The following CSMD1 variants were observed in gnomAD, a reference collection of about 807,000 sequenced individuals.
CSMD1 encodes the protein CUB and sushi domain-containing protein 1.
A neutral mutation model predicts 417.5 loss-of-function variants in CSMD1; 213 were observed. That is an observed-to-expected ratio of 0.51 (90% confidence interval 0.46 to 0.57). CSMD1 has a LOEUF of 0.57. Ranked by LOEUF, CSMD1 falls within the 20% of genes least tolerant of loss-of-function variation. The pLI is 0.00. For synonymous variants in CSMD1, 2,862 were observed against 1,736.8 expected, an observed-to-expected ratio of 1.65 and a Z score of -16.11; for missense variants, 6,923 against 4,529.7, an observed-to-expected ratio of 1.53 and a Z score of -15.17.
At chr8:4,338,954 G>T (rs752137315) in intron 3 of CSMD1, among the ~76,000 whole-genome samples, 1 of 152,170 alleles carries the variant, frequency 6.6e-6, no homozygotes, top group East Asian at 1.9e-4. Context: ...CTGAACATAG[G>T]TCTGGGCATA....
At chr8:3,996,918 T>C (rs1266167451) in intron 5 of CSMD1, among the ~76,000 whole-genome samples, 3 of 152,196 alleles carry the variant, frequency 2.0e-5, no homozygotes, top group African/African-American at 7.2e-5. Flanking sequence ...TACAATATGC[T>C]TCATGTTTGA....
chr8:4,769,565 T>A (rs954267328), intron 1 of CSMD1, among the ~76,000 whole-genome samples: 8 of 152,222 alleles, frequency 5.3e-5, no homozygotes, highest in Admixed American at 1.3e-4. Flanking sequence ...AACAGCAATT[T>A]TGCCAATGTT....
At position 4,092,693 on chromosome 8, in the gene CSMD1, C is replaced by A. The variant is rs1035809427; in HGVS notation, c.416-60594G>T. On this transcript the variant is annotated intron_variant, in intron 3 of 69. Transcript: ENST00000635120. ...TAGGTCCTTTTTCTTGAATATTTTT[C>A]CTTAATGTGATTTTTGAAATAATTT... Among the ~76,000 whole-genome samples, 8 of 152,124 alleles carry A rather than the reference C, an allele frequency of 5.3e-5. No homozygotes were observed. The East Asian group carries it at 1.5e-3, about 29-fold the overall frequency.
At chr8:4,504,997 C>G (rs1300684168) in intron 2 of CSMD1, among the ~76,000 whole-genome samples, 1 of 152,152 alleles carries the variant, frequency 6.6e-6, no homozygotes, top group Non-Finnish European at 1.5e-5. Flanking sequence ...GGTATATACC[C>G]AGTAATGGGA....
intron 5 of CSMD1, among the ~76,000 whole-genome samples, chr8:3,881,380 A>T (rs754763549): frequency 1.3e-5 from 2 of 151,800 alleles, no homozygotes; most frequent in Non-Finnish European, 2.9e-5. Context: ...TTATGCCTAT[A>T]ATCCCAGCAC....
At chr8:4,085,551 G>A (rs1016799170) in intron 3 of CSMD1, among the ~76,000 whole-genome samples, 8 of 151,998 alleles carry the variant, frequency 5.3e-5, no homozygotes, top group African/African-American at 1.9e-4. Flanking sequence ...CTAATAAGCT[G>A]GACAAGCCTA....
At chr8:3,755,920 T>C (rs551627917) in intron 5 of CSMD1, among the ~76,000 whole-genome samples, 54 of 152,230 alleles carry the variant, frequency 3.5e-4, no homozygotes, top group African/African-American at 1.3e-3. Flanking sequence ...AATCACCTTT[T>C]TTTATTTTTC....
At chr8:4,516,177 C>T (rs1321050817) in intron 2 of CSMD1, among the ~76,000 whole-genome samples, 1 of 151,852 alleles carries the variant, frequency 6.6e-6, no homozygotes, top group Non-Finnish European at 1.5e-5. Flanking sequence ...ACTGGTGCCT[C>T]CTAATAAGAG....
chr8:3,119,384 TAAA>T (rs34060531), intron 41 of CSMD1, among the ~76,000 whole-genome samples: 7 of 88,276 alleles, frequency 7.9e-5, no homozygotes, highest in Admixed American at 1.7e-4. Flanking sequence ...AGTCTTTTTC[TAAA>T]AAAAAAAAAA....
At chr8:4,880,462 G>C (rs777003119) in intron 1 of CSMD1, among the ~76,000 whole-genome samples, 6 of 152,006 alleles carry the variant, frequency 3.9e-5, no homozygotes, top group Non-Finnish European at 5.9e-5. Context: ...TGAGAAGAGA[G>C]GAATTTCCTG....
chr8:4,574,451 C>T (rs1799041015), intron 2 of CSMD1, among the ~76,000 whole-genome samples: 2 of 152,192 alleles, frequency 1.3e-5, no homozygotes, highest in Admixed American at 1.3e-4. Flanking sequence ...CCGTGGGCTG[C>T]ACCTACTTTC....
intron 3 of CSMD1, among the ~76,000 whole-genome samples, chr8:4,332,675 C>T (rs1049381213): frequency 6.6e-6 from 1 of 151,696 alleles, no homozygotes; most frequent in Non-Finnish European, 1.5e-5. Context: ...TGCTAGCTGG[C>T]ACCCCTGGGG....
chr8:4,859,134 T>C (rs889898150), intron 1 of CSMD1, among the ~76,000 whole-genome samples: 40 of 152,170 alleles, frequency 2.6e-4, no homozygotes, highest in African/African-American at 9.2e-4. Context: ...TATCTGATCT[T>C]TGACAAACCT....
intron 5 of CSMD1, among the ~76,000 whole-genome samples, chr8:3,777,244 G>A (rs1253510777): frequency 6.6e-6 from 1 of 151,736 alleles, no homozygotes; most frequent in East Asian, 1.9e-4. Context: ...GCTCCTTAAG[G>A]GCAGGGGTTT....
At chr8:3,012,543 A>G (rs898517188) in intron 52 of CSMD1, among the ~76,000 whole-genome samples, 2 of 152,194 alleles carry the variant, frequency 1.3e-5, no homozygotes, top group Non-Finnish European at 2.9e-5. Flanking sequence ...AAAATAAACT[A>G]CAAAATATCT....
intron 6 of CSMD1, among the ~76,000 whole-genome samples, chr8:3,727,482 G>C (rs962373860): frequency 2.0e-5 from 3 of 152,174 alleles, no homozygotes; most frequent in Non-Finnish European, 4.4e-5. Flanking sequence ...TGAATAAAGA[G>C]TAAGAAGCTA....
At chr8:4,908,578 A>G (rs1805457768) in intron 1 of CSMD1, among the ~76,000 whole-genome samples, 1 of 150,440 alleles carries the variant, frequency 6.6e-6, no homozygotes, top group African/African-American at 2.4e-5. Context: ...TTTCATTTCA[A>G]TGTAGAGAGT....
intron 42 of CSMD1, among the ~76,000 whole-genome samples, chr8:3,115,199 C>A (rs1342607310): frequency 7.2e-6 from 1 of 138,552 alleles, no homozygotes; most frequent in South Asian, 2.5e-4. Flanking sequence ...TACAATCCCC[C>A]CCCCCCCTTT....
In CSMD1 at chr8:4,393,679, C is replaced by G. The variant is rs577299856; in HGVS notation, c.415+26274G>C. ...GCCCAGTCACCTTCACACTCCTATA[C>G]TATAATTAACCAAGAACCTGGAACT... is the stretch of plus-strand genomic sequence containing the variant. On this transcript the variant is annotated intron_variant, in intron 3 of 69. Transcript: ENST00000635120. Among the ~76,000 whole-genome samples, 5 of 152,298 alleles carry G rather than the reference C, an allele frequency of 3.3e-5. No homozygotes were observed. In the East Asian group the frequency reaches 7.7e-4, roughly 24 times the overall value.
Sources: allele counts gnomAD v4.1 joint callset (sites outside exome capture counted in the v4.1 genomes callset), GRCh38; gene constraint gnomAD v4.1.1; transcripts MANE v1.5; gene names NCBI Gene and HGNC (gene_info 2026-07-23, HGNC 2026-07-21).